TNFRSF8: variants seen among roughly 807,000 people sequenced by gnomAD.
TNFRSF8 encodes TNF receptor superfamily member 8.
In TNFRSF8, 26 loss-of-function variants were observed where a neutral mutation model predicts 70.8. The observed-to-expected ratio is 0.37, with a 90% CI of 0.27 to 0.51. The LOEUF (loss-of-function observed/expected upper bound fraction) is 0.51, where lower values mean the gene tolerates loss of function less well. Among genes scored for constraint, TNFRSF8 ranks in the 20% least tolerant of loss-of-function variants. The pLI is 0.94. For missense variants in TNFRSF8, 720 were observed against 807.9 expected (o/e 0.89, Z 1.32); for synonymous variants, 356 against 339.2 (o/e 1.05, Z -0.54).
intron 2 of TNFRSF8, among the ~76,000 whole-genome samples, chr1:12,089,504 C>A (rs1395456886): frequency 1.3e-5 from 2 of 152,088 alleles, no homozygotes; most frequent in Non-Finnish European, 2.9e-5. Flanking sequence ...CTGAAAAATC[C>A]ACCAGGGTTC....
chr1:12,063,484 C>A lies in TNFRSF8; in HGVS notation c.-115C>A. Reference sequence around the variant, plus strand: ...TGGCCGCGGCGGGAGTGTGCTGGAGCCTGAAGTCCACGCGCGCGGCTGAGA... The same window carrying A: ...TGGCCGCGGCGGGAGTGTGCTGGAGACTGAAGTCCACGCGCGCGGCTGAGA... On this transcript the variant is annotated 5_prime_UTR_variant, in exon 1 of 15. Transcript: ENST00000263932. The surrounding 1 kb of genome is among the most constrained non-coding windows in gnomAD (Gnocchi z 7.2). 2.2e-6 allele frequency: 2 copies of A among 923,668 alleles called. No homozygotes were observed. Among genetic ancestry groups the A allele is most frequent in the Non-Finnish European group, 2.9e-6 (2 of 694,130 alleles). 57.2% of individuals were successfully genotyped at this position (923,668 alleles called of 1,614,324 possible).
chr1:12,135,503 G>C (rs1438287695), intron 12 of TNFRSF8, 85 bp from the exon 13 acceptor site: 1 of 1,567,210 alleles, frequency 6.4e-7, no homozygotes, highest in African/African-American at 1.4e-5. Context: ...CTGTGATCCA[G>C]GAGGACCATT....
In TNFRSF8 at chr1:12,110,667, C is replaced by T. The variant is rs1387818320; in HGVS notation, c.676+463C>T. Among the ~76,000 whole-genome samples, 3 of 152,126 alleles carry T rather than the reference C, an allele frequency of 2.0e-5. No individual in the cohort carries two copies. Among genetic ancestry groups the T allele is most frequent in the Non-Finnish European group, 4.4e-5 (3 of 68,028 alleles). Reference sequence around the variant, plus strand: ...AGGCTGGAGTGCAGTGGCGCAATCTCGGCTCACTGCCACCTCCACCTCCTG... The same window carrying T: ...AGGCTGGAGTGCAGTGGCGCAATCTTGGCTCACTGCCACCTCCACCTCCTG... On this transcript the variant is annotated intron_variant, in intron 6 of 14. Coordinates refer to ENST00000263932, the MANE Select transcript of TNFRSF8 (RefSeq NM_001243.5). The surrounding 1 kb of genome is among the most constrained non-coding windows in gnomAD (Gnocchi z 4.0).
intron 1 of TNFRSF8, among the ~76,000 whole-genome samples, chr1:12,076,024 C>A (rs1012111255): frequency 2.0e-5 from 3 of 152,080 alleles, no homozygotes; most frequent in South Asian, 4.1e-4. Context: ...CCTTAAATAC[C>A]CTTAGTCCAT....
intron 12 of TNFRSF8, among the ~76,000 whole-genome samples, chr1:12,133,240 G>C (rs1642083375): frequency 6.6e-6 from 1 of 152,206 alleles, no homozygotes; most frequent in South Asian, 2.1e-4. Context: ...GCAGGGTATG[G>C]GCAGCTCTGC....
chr1:12,074,282 T>C lies in TNFRSF8; in HGVS notation c.64-10182T>C, dbSNP rs145438424. ...CATGTCCCAAAGTCACCTTCTTTCTTTCTTTTTTTTTTTTTGAGACAGAAT... is the reference window on the plus strand; with the variant it reads ...CATGTCCCAAAGTCACCTTCTTTCTCTCTTTTTTTTTTTTTGAGACAGAAT... On this transcript the variant is annotated intron_variant, in intron 1 of 14. Transcript: ENST00000263932. Among the ~76,000 whole-genome samples the C allele has an allele frequency of 6.4e-3, 972 of 151,788 alleles. 7 individuals are homozygous for C. The highest frequency in any genetic ancestry group is 0.023 in the African/African-American group (932 of 41,404).
At chr1:12,122,788 C>T (rs904732404) in intron 8 of TNFRSF8, among the ~76,000 whole-genome samples, 1 of 152,194 alleles carries the variant, frequency 6.6e-6, no homozygotes, top group Admixed American at 6.5e-5. Flanking sequence ...CACTGTTTCA[C>T]CTTCCTGGGT....
intron 2 of TNFRSF8, among the ~76,000 whole-genome samples, chr1:12,093,785 C>T (rs969935821): frequency 6.6e-6 from 1 of 152,114 alleles, no homozygotes; most frequent in Admixed American, 6.6e-5. Context: ...AAATGATCCG[C>T]CTGGGCTGGG....
At chr1:12,127,298 G>T (rs557653635) in intron 12 of TNFRSF8, among the ~76,000 whole-genome samples, 2 of 152,252 alleles carry the variant, frequency 1.3e-5, no homozygotes, top group Non-Finnish European at 2.9e-5. Context: ...CAGGCTTCCT[G>T]TACTCCCCCA....
chr1:12,121,966 T>C (rs1641836392), intron 8 of TNFRSF8, among the ~76,000 whole-genome samples: 1 of 151,852 alleles, frequency 6.6e-6, no homozygotes, highest in Admixed American at 6.6e-5. Flanking sequence ...CCCCAAAGAG[T>C]ACATACTGCA....
chr1:12,137,567 T>G (rs1392861640), intron 13 of TNFRSF8, among the ~76,000 whole-genome samples: 2 of 138,678 alleles, frequency 1.4e-5, no homozygotes, highest in Non-Finnish European at 3.0e-5. Flanking sequence ...TGTTTTTTTT[T>G]TGTTTTTTTT....
chr1:12,066,674 G>T (rs1446341627), intron 1 of TNFRSF8, among the ~76,000 whole-genome samples: 2 of 139,962 alleles, frequency 1.4e-5, no homozygotes, highest in African/African-American at 2.7e-5. Flanking sequence ...TTATTTTTTG[G>T]GACAGTCTCA....
intron 2 of TNFRSF8, among the ~76,000 whole-genome samples, chr1:12,091,660 A>T (rs879827350): frequency 5.3e-5 from 8 of 152,218 alleles, no homozygotes; most frequent in Non-Finnish European, 2.9e-5. Context: ...TGGAGAAGCC[A>T]CTTAGCCTGC....
chr1:12,068,953 C>T (rs1640788719), intron 1 of TNFRSF8, among the ~76,000 whole-genome samples: 1 of 151,496 alleles, frequency 6.6e-6, no homozygotes, highest in African/African-American at 2.4e-5. Flanking sequence ...CTCACTGCAA[C>T]CTCCGCCTCC....
chr1:12,116,915 G>A (rs1360021536), intron 8 of TNFRSF8, among the ~76,000 whole-genome samples: 1 of 152,182 alleles, frequency 6.6e-6, no homozygotes, highest in Non-Finnish European at 1.5e-5. Flanking sequence ...GGGCTTGGAA[G>A]AGGCAGGCAG....
In TNFRSF8 at chr1:12,113,126, C is replaced by G. The variant is rs367698226; in HGVS notation, c.793+1112C>G. ...AGGGCACTGCGGGGACAGCTTGTCT[C>G]TGCTCCACAATGTCTGAGGTCTTAG... is the stretch of plus-strand genomic sequence containing the variant. On this transcript the variant is annotated intron_variant, in intron 7 of 14. Coordinates refer to ENST00000263932, the MANE Select transcript of TNFRSF8 (RefSeq NM_001243.5). This position sits in a 1 kb window ranked among gnomAD's most constrained non-coding sequence, Gnocchi z 4.9. Among the ~76,000 whole-genome samples, 3 of 152,250 alleles carry G rather than the reference C, an allele frequency of 2.0e-5. No homozygotes were observed. Among genetic ancestry groups the G allele is most frequent in the Admixed American group, 6.5e-5 (1 of 15,282 alleles).
At chr1:12,114,730 A>C (rs1641697824) in intron 7 of TNFRSF8, among the ~76,000 whole-genome samples, 1 of 108,096 alleles carries the variant, frequency 9.3e-6, no homozygotes, top group Non-Finnish European at 1.8e-5. Context: ...TTTTAAATAG[A>C]CAGAGTCTTG....
At chr1:12,115,825 G>A in intron 8 of TNFRSF8, 96 bp downstream of exon 8, 3 of 1,384,440 alleles carry the variant, frequency 2.2e-6, no homozygotes, top group Non-Finnish European at 3.0e-6. Context: ...GGAGGCAAAT[G>A]ACCTACACCC....
chr1:12,118,662 G>C (rs779610163), intron 8 of TNFRSF8, among the ~76,000 whole-genome samples: 27 of 152,136 alleles, frequency 1.8e-4, no homozygotes, highest in Admixed American at 3.9e-4. Flanking sequence ...GCAAGAAAAG[G>C]CTTTTTAGAA....
Sources: gnomAD v4.1 joint callset for allele counts (sites outside exome capture counted in the v4.1 genomes callset) on GRCh38, gnomAD v4.1.1 for gene constraint, Gnocchi (gnomAD v3.1) non-coding constraint, MANE v1.5 for transcripts, NCBI Gene and HGNC (gene_info 2026-07-23, HGNC 2026-07-21) for gene names.